Variants in HTT observed in about 807,000 individuals in gnomAD.
HTT encodes the protein huntingtin.
Under a neutral mutation model 362.3 loss-of-function variants are expected in HTT, and 104 were observed. The observed-to-expected ratio is 0.29, with a 90% CI of 0.24 to 0.34. HTT has a LOEUF of 0.34. Among genes scored for constraint, HTT ranks in the 10% least tolerant of loss-of-function variants. The pLI is 1.00. For missense variants in HTT, 3,301 were observed against 3,928.6 expected, an observed-to-expected ratio of 0.84 and a Z score of 4.27; for synonymous variants, 1,577 against 1,548.7, an observed-to-expected ratio of 1.02 and a Z score of -0.43.
At chr4:3,208,436 C>T (rs1578589531) in intron 45 of HTT, among the ~76,000 whole-genome samples, 1 of 152,330 alleles carries the variant, frequency 6.6e-6, no homozygotes, top group East Asian at 1.9e-4. Flanking sequence ...ATCTGTTTTA[C>T]ATTTATTAAG....
At chr4:3,124,731 G>C (rs1386437632) in intron 10 of HTT, among the ~76,000 whole-genome samples, 1 of 152,200 alleles carries the variant, frequency 6.6e-6, no homozygotes, top group Non-Finnish European at 1.5e-5. Flanking sequence ...CCAAGTTGCT[G>C]TGTTAATTCC....
intron 6 of HTT, among the ~76,000 whole-genome samples, chr4:3,108,921 G>T (rs1187004820): frequency 6.6e-6 from 1 of 152,036 alleles, no homozygotes; most frequent in East Asian, 1.9e-4. Flanking sequence ...GATGGCATGT[G>T]CCTGTGGTCC....
chr4:3,200,319 G>A lies in HTT; in HGVS notation c.5576+380G>A, dbSNP rs363115. Among the ~76,000 whole-genome samples the A allele has an allele frequency of 6.7e-3, 1,016 of 152,232 alleles. 13 individuals are homozygous for A. Among genetic ancestry groups the A allele is most frequent in the African/African-American group, 0.022 (928 of 41,518 alleles). ...TCATTATAAAGTAAATGTGGTTCTG[G>A]TTATCCTTAGATAATGAAGTAACAG... On this transcript the variant is annotated intron_variant, in intron 41 of 66. Coordinates refer to ENST00000355072, the MANE Select transcript of HTT (RefSeq NM_001388492.1).
intron 21 of HTT, among the ~76,000 whole-genome samples, chr4:3,139,002 AT>A (rs1256034740): frequency 2.6e-4 from 39 of 152,246 alleles, no homozygotes; most frequent in Non-Finnish European, 5.9e-5. Context: ...AAACGAAATA[AT>A]CTTTGTAATC....
In HTT at chr4:3,146,818, A is replaced by G. The variant is rs1716626022; in HGVS notation, c.3165A>G (p.Ser1055=). The part of the protein sequence containing the change: ...WHCGVPPLSA[S]DESRKSCTVG... Reference sequence around the variant, plus strand: ...CCAGAGTGCCTCCACTGAGTGCCTCAGATGAGTCTAGGAAGAGCTGTACCG... The same window carrying G: ...CCAGAGTGCCTCCACTGAGTGCCTCGGATGAGTCTAGGAAGAGCTGTACCG... Residue 1055 remains serine, a synonymous_variant, in exon 25 of 67, where the codon TCA becomes TCG. Coordinates refer to ENST00000355072, the MANE Select transcript of HTT (RefSeq NM_001388492.1). 1 of 1,614,212 alleles carries G rather than the reference A, an allele frequency of 6.2e-7. No individual in the cohort carries two copies. The highest frequency in any genetic ancestry group is 8.5e-7 in the Non-Finnish European group (1 of 1,180,008).
rs914714628 is a variant in HTT, at chr4:3,146,704, G to A, written c.3144-93G>A. The A allele has an allele frequency of 7.3e-6, 8 of 1,097,560 alleles. No homozygotes were observed. In the African/African-American group the frequency reaches 1.2e-4, roughly 17 times the overall value. The allele number at this position is 1,097,560 out of a possible 1,614,324, so 68.0% of individuals were successfully genotyped here. ...TCTGAGCTGGTATAAAATGTATTGT[G>A]ACATGCCTTCCTCTTGGAATTGCAA... On this transcript the variant is annotated intron_variant, in intron 24 of 66. Coordinates refer to ENST00000355072, the MANE Select transcript of HTT (RefSeq NM_001388492.1).
rs1481778626 is a variant in HTT at position 3,179,647 on chromosome 4, T to TGCTTGTGTGTGC, written c.4613-866_4613-855dup. ...AGGGGTCAGAGTGTGCCTGTGTGTG[T>TGCTTGTGTGTGC]GCTTGTGTGTGCGTACATGTCACTG... On this transcript the variant is annotated intron_variant, in intron 35 of 66. Coordinates refer to ENST00000355072, the MANE Select transcript of HTT (RefSeq NM_001388492.1). 4.3e-4 allele frequency among the ~76,000 whole-genome samples: 65 copies of TGCTTGTGTGTGC among 149,936 alleles called. 2 individuals are homozygous for TGCTTGTGTGTGC. The highest frequency in any genetic ancestry group is 3.5e-3 in the Middle Eastern group (1 of 286).
At chr4:3,216,754 G>A (rs1045412066) in intron 51 of HTT, among the ~76,000 whole-genome samples, 5 of 152,236 alleles carry the variant, frequency 3.3e-5, no homozygotes, top group East Asian at 1.9e-4. Context: ...GGCCGGGCGC[G>A]GTGGCTCACG....
chr4:3,085,979 C>T (rs1037713462), intron 1 of HTT, among the ~76,000 whole-genome samples: 1 of 152,124 alleles, frequency 6.6e-6, no homozygotes, highest in Non-Finnish European at 1.5e-5. Flanking sequence ...GACATAGAAG[C>T]AGTTAGCCAT....
At chr4:3,110,484 C>G (rs1714686216) in intron 6 of HTT, among the ~76,000 whole-genome samples, 1 of 152,158 alleles carries the variant, frequency 6.6e-6, no homozygotes, top group Non-Finnish European at 1.5e-5. Context: ...CCTGGAATTT[C>G]CTTTGCAGTT....
At position 3,215,106 on chromosome 4, in the gene HTT, T is replaced by G; in HGVS notation, c.6953-4T>G. The G allele has an allele frequency of 6.2e-7, 1 of 1,608,826 alleles. No homozygotes were observed. The highest frequency in any genetic ancestry group is 8.5e-7 in the Non-Finnish European group (1 of 1,175,520). ...TTCTTCTCTTTGTTCTGTTGTAATTTTAGTTGCAGTGCAGCCTGGAGAGCA... is the reference window on the plus strand; with the variant it reads ...TTCTTCTCTTTGTTCTGTTGTAATTGTAGTTGCAGTGCAGCCTGGAGAGCA... On this transcript the variant is annotated splice_polypyrimidine_tract_variant and splice_region_variant and intron_variant, in intron 50 of 66. Transcript: ENST00000355072.
chr4:3,184,489 C>T (rs1201588551), intron 37 of HTT, among the ~76,000 whole-genome samples: 1 of 151,942 alleles, frequency 6.6e-6, no homozygotes, highest in East Asian at 1.9e-4. Context: ...CATGTGAGAC[C>T]CGGCACTGGA....
At chr4:3,119,402 C>T (rs941351283) in intron 8 of HTT, among the ~76,000 whole-genome samples, 1 of 152,144 alleles carries the variant, frequency 6.6e-6, no homozygotes, top group Non-Finnish European at 1.5e-5. Flanking sequence ...CCCATTTGAC[C>T]ATTAACCTTG....
chr4:3,210,619 A>G (rs1290184852), intron 47 of HTT, among the ~76,000 whole-genome samples: 2 of 151,360 alleles, frequency 1.3e-5, no homozygotes, highest in Non-Finnish European at 1.5e-5. Context: ...TGGGGGGGCC[A>G]CCTCTTGGGT....
chr4:3,229,547 CACAT>C (rs1050087785), intron 59 of HTT, among the ~76,000 whole-genome samples: 9 of 150,826 alleles, frequency 6.0e-5, no homozygotes, highest in Admixed American at 1.3e-4. Context: ...ATGCCACACA[CACAT>C]GCACCACACA....
At position 3,230,282 on chromosome 4, in the gene HTT, C is replaced by T. The variant is rs151267566; in HGVS notation, c.8265+240C>T. ...TGGCGGCCAAGCCATGGTTTGGGGT[C>T]CCGTATCCCTGGGCTTATGACATCA... On this transcript the variant is annotated intron_variant, in intron 60 of 66. Transcript: ENST00000355072. Among the ~76,000 whole-genome samples, 151 of 152,288 alleles carry T rather than the reference C, an allele frequency of 9.9e-4. 1 individual carries two copies. The highest frequency in any genetic ancestry group is 8.3e-3 in the South Asian group (40 of 4,828).
chr4:3,204,240 C>T, intron 42 of HTT, 92 bp downstream of exon 42: 1 of 1,289,208 alleles, frequency 7.8e-7, no homozygotes, highest in African/African-American at 1.5e-5. Flanking sequence ...CCTCTGGAAC[C>T]CAGACCGCCC....
At chr4:3,214,695 A>T (rs947774374) in intron 50 of HTT, among the ~76,000 whole-genome samples, 11 of 147,814 alleles carry the variant, frequency 7.4e-5, no homozygotes, top group African/African-American at 2.9e-4. Flanking sequence ...TTATAGAGTG[A>T]TGTTTTCATG....
At chr4:3,187,216 C>T (rs573925975) in intron 38 of HTT, among the ~76,000 whole-genome samples, 2 of 151,608 alleles carry the variant, frequency 1.3e-5, no homozygotes, top group East Asian at 1.9e-4. Flanking sequence ...AGTACAGTGG[C>T]GCTACCTCGA....
Sources: allele counts gnomAD v4.1 joint callset (sites outside exome capture counted in the v4.1 genomes callset), GRCh38; gene constraint gnomAD v4.1.1; transcripts MANE v1.5; gene names NCBI Gene and HGNC (gene_info 2026-07-23, HGNC 2026-07-21).